The following C1orf94 variants were observed in gnomAD, a reference collection of about 807,000 sequenced individuals.
C1orf94 encodes uncharacterized protein C1orf94.
In C1orf94, 45 loss-of-function variants were observed where a neutral mutation model predicts 53.6. That is an observed-to-expected ratio of 0.84 (90% CI 0.66 to 1.08). C1orf94 has a LOEUF of 1.08. Ranked by LOEUF, C1orf94 falls within the 50% of genes least tolerant of loss-of-function variation. The probability of loss-of-function intolerance (pLI) is 0.00; values close to 1 mark genes in which losing one functional copy is unlikely to be tolerated. For synonymous variants in C1orf94, 304 were observed against 296.1 expected (o/e 1.03, Z -0.27); for missense variants, 762 against 738.9 (o/e 1.03, Z -0.36).
intron 1 of C1orf94, among the ~76,000 whole-genome samples, chr1:34,171,131 C>T (rs1166457642): frequency 6.6e-6 from 1 of 152,142 alleles, no homozygotes. Context: ...CTAGACCCTC[C>T]CTACAAGAGC....
intron 1 of C1orf94, among the ~76,000 whole-genome samples, chr1:34,190,802 G>A (rs77368312): frequency 0.018 from 2,816 of 152,248 alleles, 34 homozygotes; most frequent in East Asian, 0.047. Context: ...TTGAAAATTG[G>A]GGTGACTGTA....
intron 1 of C1orf94, among the ~76,000 whole-genome samples, chr1:34,190,372 T>C (rs1642462297): frequency 6.6e-6 from 1 of 152,152 alleles, no homozygotes; most frequent in Non-Finnish European, 1.5e-5. Context: ...CCTGGCAGAT[T>C]CTGACTCCTA....
chr1:34,196,977 C>T (rs1408439021), intron 1 of C1orf94, among the ~76,000 whole-genome samples: 1 of 152,220 alleles, frequency 6.6e-6, no homozygotes, highest in Non-Finnish European at 1.5e-5. Context: ...CCCCAGCTCA[C>T]TCAGCAAGGT....
Position 34,208,190 on chromosome 1 carries a change from T to C in C1orf94, c.1480T>C (p.Tyr494His). 1 of 1,614,138 alleles carries C rather than the reference T, an allele frequency of 6.2e-7. No homozygotes were observed. The highest frequency in any genetic ancestry group is 8.5e-7 in the Non-Finnish European group (1 of 1,180,002). The change falls in exon 5 of 7, where the codon TAT becomes CAT. Residue 494 changes from tyrosine to histidine, a missense_variant. Tyr to His is a moderately conservative substitution (Grantham distance 83, BLOSUM62 2). Transcript: ENST00000488417. ...CCCACAGCAGGCAGCGAGGATGCCCTATCAGCAGGCTTTGCACCCGCAGCT... is the reference window on the plus strand; with the variant it reads ...CCCACAGCAGGCAGCGAGGATGCCCCATCAGCAGGCTTTGCACCCGCAGCT... ...LYPQQAARMP[Y>H]QQALHPQLGC...
rs1379510322 is a variant in C1orf94, at chr1:34,197,267, G to T, written c.363G>T (p.Leu121Phe). 1 of 1,548,704 alleles carries T rather than the reference G, an allele frequency of 6.5e-7. No individual in the cohort carries two copies. The highest frequency in any genetic ancestry group is 8.7e-7 in the Non-Finnish European group (1 of 1,145,192). Reference protein sequence around the residue: ...LSSGKDEISLLVEQEFLSLTK... With the variant: ...LSSGKDEISLFVEQEFLSLTK... ...GTGGCAAAGATGAGATCTCCTTGTT[G>T]GTGGAACAGGAGTTCCTAAGCCTCA... Residue 121 changes from leucine to phenylalanine, a missense_variant, in exon 2 of 7, where the codon TTG becomes TTT. Leu to Phe is a conservative substitution (Grantham distance 22). Coordinates refer to ENST00000488417, the MANE Select transcript of C1orf94 (RefSeq NM_001134734.2). The surrounding 1 kb of genome is among the most constrained non-coding windows in gnomAD (Gnocchi z 4.1).
At chr1:34,194,906 G>A (rs560294267) in intron 1 of C1orf94, among the ~76,000 whole-genome samples, 1 of 152,180 alleles carries the variant, frequency 6.6e-6, no homozygotes, top group Admixed American at 6.5e-5. Context: ...CCTGTGACTT[G>A]AGACTCACCT....
At chr1:34,170,611 T>A (rs562006111) in intron 1 of C1orf94, among the ~76,000 whole-genome samples, 118 of 152,236 alleles carry the variant, frequency 7.8e-4, no homozygotes, top group African/African-American at 2.7e-3. Context: ...TGGGCAACTC[T>A]AGGATGGAAA....
intron 4 of C1orf94, among the ~76,000 whole-genome samples, chr1:34,203,552 T>C (rs1642748388): frequency 6.6e-6 from 1 of 152,180 alleles, no homozygotes; most frequent in South Asian, 2.1e-4. Flanking sequence ...GAACCAATCC[T>C]CTGAGGATAC....
At chr1:34,175,798 C>T (rs1245301258), upstream of C1orf94, among the ~76,000 whole-genome samples, 3 of 152,106 alleles carry the variant, frequency 2.0e-5, no homozygotes, top group Non-Finnish European at 4.4e-5. Context: ...AATTTTTCTC[C>T]TCAAAGAAGT....
At chr1:34,216,038 C>G (rs1642982664) in intron 6 of C1orf94, among the ~76,000 whole-genome samples, 1 of 151,660 alleles carries the variant, frequency 6.6e-6, no homozygotes, top group Non-Finnish European at 1.5e-5. Context: ...AACAAACAAA[C>G]AAAAAACAAA....
rs1205091017 is a variant in C1orf94 at position 34,218,763 on chromosome 1, T to A, written c.*2T>A. The A allele has an allele frequency of 2.5e-6, 4 of 1,610,710 alleles. No homozygotes were observed. The highest frequency in any genetic ancestry group is 3.4e-6 in the Non-Finnish European group (4 of 1,177,754). ...AGTGGGAATGGCATAAACTTTTAGA[T>A]CTCCTCTTCTCCCTTCTCCTCCCTT... On this transcript the variant is annotated 3_prime_UTR_variant, in exon 7 of 7. Coordinates refer to ENST00000488417, the MANE Select transcript of C1orf94 (RefSeq NM_001134734.2).
At chr1:34,196,008 C>T (rs1200097189) in intron 1 of C1orf94, among the ~76,000 whole-genome samples, 3 of 152,192 alleles carry the variant, frequency 2.0e-5, no homozygotes, top group Non-Finnish European at 2.9e-5. Context: ...CTTGGGTCTT[C>T]ATCATCTTCT....
chr1:34,183,234 TTTAG>T (rs1261573208), intron 1 of C1orf94, among the ~76,000 whole-genome samples: 1 of 152,232 alleles, frequency 6.6e-6, no homozygotes, highest in Non-Finnish European at 1.5e-5. Flanking sequence ...TCAGTTATCT[TTTAG>T]TTAGTCTTAA....
chr1:34,197,569 C>G lies in C1orf94; in HGVS notation c.665C>G (p.Thr222Arg), dbSNP rs748990552. 6.2e-7 allele frequency: 1 copy of G among 1,614,140 alleles called. No individual in the cohort carries two copies. The highest frequency in any genetic ancestry group is 1.7e-5 in the Admixed American group (1 of 60,022). ...CAAEVKSSKG[T>R]EDRGRILGDS... The stretch of plus-strand genomic sequence containing the variant: ...GCCGAGGTCAAGAGCAGCAAGGGGA[C>G]AGAGGACAGGGGCCGCATCCTAGGT... Residue 222 changes from threonine to arginine, a missense_variant, in exon 2 of 7, where the codon ACA (threonine) becomes AGA (arginine). Thr to Arg is a moderately conservative substitution (Grantham distance 71). Coordinates refer to ENST00000488417, the MANE Select transcript of C1orf94 (RefSeq NM_001134734.2). This position sits in a 1 kb window ranked among gnomAD's most constrained non-coding sequence, Gnocchi z 4.1.
intron 4 of C1orf94, among the ~76,000 whole-genome samples, chr1:34,205,243 C>T (rs1309779847): frequency 6.6e-6 from 1 of 152,150 alleles, no homozygotes; most frequent in Non-Finnish European, 1.5e-5. Flanking sequence ...CTGCTGGGTT[C>T]TTTGAGACAG....
rs775610323 is a variant in C1orf94, at chr1:34,200,910, C to A, written c.1148C>A (p.Pro383His). ...GGCACCGCATCACTGACCCTGCCGC[C>A]CAAGAAACCTACATGTCCAGCCGAG... ...AVGTASLTLP[P>H]KKPTCPAEKN... Residue 383 changes from proline to histidine, a missense_variant, in exon 3 of 7, where the codon CCC becomes CAC. Physicochemically the swap from Pro to His is moderately conservative, Grantham distance 77. Transcript: ENST00000488417. 12 of 1,613,996 alleles carry A rather than the reference C, an allele frequency of 7.4e-6. No homozygotes were observed. The Admixed American group carries it at 1.8e-4, about 25-fold the overall frequency.
rs1368966193 is a variant in C1orf94, at chr1:34,178,117, C to A, written c.320+8C>A. ...GCTCAGCTTTCAAGAAGAGTAAGTACCCCCCTACTCCATTGGCAGCAAGGG... is the reference window on the plus strand; with the variant it reads ...GCTCAGCTTTCAAGAAGAGTAAGTAACCCCCTACTCCATTGGCAGCAAGGG... On this transcript the variant is annotated splice_region_variant and intron_variant, in intron 1 of 6. Coordinates refer to ENST00000488417, the MANE Select transcript of C1orf94 (RefSeq NM_001134734.2). 2.6e-6 allele frequency: 4 copies of A among 1,546,504 alleles called. No individual in the cohort carries two copies. The highest frequency in any genetic ancestry group is 1.7e-4 in the Middle Eastern group (1 of 5,966).
intron 1 of C1orf94, among the ~76,000 whole-genome samples, chr1:34,189,874 TAGA>T (rs1028851240): frequency 3.3e-5 from 5 of 152,224 alleles, no homozygotes; most frequent in African/African-American, 1.2e-4. Flanking sequence ...AAGCGAATTG[TAGA>T]AGGTCACCCG....
chr1:34,200,673 G>C, intron 2 of C1orf94, 99 bp from the exon 3 acceptor site: 1 of 1,507,808 alleles, frequency 6.6e-7, no homozygotes, highest in Non-Finnish European at 9.0e-7. Context: ...CCTCAGGTGT[G>C]TGCTGCAGAG....
Sources: allele counts gnomAD v4.1 joint callset (sites outside exome capture counted in the v4.1 genomes callset), GRCh38; gene constraint gnomAD v4.1.1; non-coding constraint Gnocchi (gnomAD v3.1); transcripts MANE v1.5; gene names NCBI Gene and HGNC (gene_info 2026-07-23, HGNC 2026-07-21).